XKR4: variants seen among roughly 807,000 people sequenced by gnomAD.
The protein encoded by XKR4 is XK related 4.
XKR4 carries 12 observed loss-of-function variants against 53.9 expected under a neutral mutation model. The observed-to-expected ratio is 0.22, with a 90% confidence interval of 0.14 to 0.36. The LOEUF (loss-of-function observed/expected upper bound fraction) is 0.36, where lower values mean the gene tolerates loss of function less well. Ranked by LOEUF, XKR4 falls within the 10% of genes least tolerant of loss-of-function variation. The pLI is 1.00. For missense variants in XKR4, 799 were observed against 859.5 expected (o/e 0.93, Z 0.88); for synonymous variants, 354 against 362.4 (o/e 0.98, Z 0.26).
rs575575077 is a variant in XKR4 at position 55,531,368 on chromosome 8, T to C, written c.*7141T>C. ...ATAGAAAAGTTAACAGTAAAAAATA[T>C]AGTATTATTGTCTTATGGGATCGCT... is the stretch of plus-strand genomic sequence containing the variant. On this transcript the variant is annotated 3_prime_UTR_variant, in exon 3 of 3. Coordinates refer to ENST00000327381, the MANE Select transcript of XKR4 (RefSeq NM_052898.2). 6.6e-6 allele frequency: 1 copy of C among 152,172 alleles called. No homozygotes were observed. Among genetic ancestry groups the C allele is most frequent in the Non-Finnish European group, 1.5e-5 (1 of 68,032 alleles). The allele number at this position is 152,172 out of a possible 1,614,324, so 9.4% of individuals were successfully genotyped here. A position where few individuals can be genotyped will look rare whatever the true frequency, so the allele number is the denominator to read the frequency against.
chr8:55,438,101 G>A (rs1319871152), intron 2 of XKR4, among the ~76,000 whole-genome samples: 1 of 152,068 alleles, frequency 6.6e-6, no homozygotes, highest in Non-Finnish European at 1.5e-5. Flanking sequence ...AGAGAGGGTG[G>A]CTTGAGAATG....
intron 2 of XKR4, among the ~76,000 whole-genome samples, chr8:55,434,100 T>C (rs1805141007): frequency 6.6e-6 from 1 of 152,158 alleles, no homozygotes; most frequent in South Asian, 2.1e-4. Flanking sequence ...TGCTTCACTC[T>C]TTATTTTTAA....
intron 2 of XKR4, among the ~76,000 whole-genome samples, chr8:55,457,982 A>C (rs1805594848): frequency 6.6e-6 from 1 of 152,182 alleles, no homozygotes. Context: ...TGAGAAATTT[A>C]AAGATCTAAA....
intron 1 of XKR4, among the ~76,000 whole-genome samples, chr8:55,176,392 G>A (rs895229562): frequency 2.0e-5 from 3 of 152,198 alleles, no homozygotes; most frequent in Non-Finnish European, 4.4e-5. Context: ...ATGTTGAAAG[G>A]TAGAGTGCTC....
intron 2 of XKR4, among the ~76,000 whole-genome samples, chr8:55,516,826 T>G (rs1283744479): frequency 6.6e-6 from 1 of 152,240 alleles, no homozygotes; most frequent in Non-Finnish European, 1.5e-5. Flanking sequence ...TGCACTTGTA[T>G]GTTGATCGTG....
intron 2 of XKR4, chr8:55,451,610 G>A: frequency 1.4e-6 from 2 of 1,471,520 alleles, no homozygotes; most frequent in South Asian, 2.5e-5. Flanking sequence ...ACGGTGAAGC[G>A]GTTCTGGCGG....
At chr8:55,369,324 A>G (rs910731146) in intron 2 of XKR4, among the ~76,000 whole-genome samples, 3 of 139,828 alleles carry the variant, frequency 2.1e-5, no homozygotes, top group Non-Finnish European at 4.6e-5. Flanking sequence ...ACTCCAGCCT[A>G]GGGCACAAGC....
chr8:55,469,121 G>A (rs1185875739), intron 2 of XKR4, among the ~76,000 whole-genome samples: 1 of 152,040 alleles, frequency 6.6e-6, no homozygotes, highest in Non-Finnish European at 1.5e-5. Context: ...TGCAACATCT[G>A]TCTCCCTGCC....
chr8:55,398,349 G>A (rs915299485), intron 2 of XKR4, among the ~76,000 whole-genome samples: 2 of 152,092 alleles, frequency 1.3e-5, no homozygotes, highest in Non-Finnish European at 2.9e-5. Flanking sequence ...GGGAGTCATC[G>A]GAAGTTAAAG....
chr8:55,201,453 A>G lies in XKR4; in HGVS notation c.806+98159A>G, dbSNP rs1418987321. 5.9e-5 allele frequency among the ~76,000 whole-genome samples: 9 copies of G among 152,182 alleles called. No homozygotes were observed. The East Asian group carries it at 1.7e-3, about 29-fold the overall frequency. On this transcript the variant is annotated intron_variant, in intron 1 of 2. Transcript: ENST00000327381. ...TATCCCTGTCCTCTCTAGACTGGAG[A>G]GTAATTTAAAATTTGTCATTTTTCT...
intron 1 of XKR4, among the ~76,000 whole-genome samples, chr8:55,166,468 G>A (rs1817067704): frequency 2.0e-5 from 3 of 152,194 alleles, no homozygotes; most frequent in Admixed American, 2.0e-4. Flanking sequence ...TAGCACTGTG[G>A]ATACAGCAGC....
Position 55,216,473 on chromosome 8 carries a change from A to G in XKR4, c.806+113179A>G, listed in dbSNP as rs570312025. ...CCGGGCATGGTGGCTCACGCCTGTA[A>G]TCCCAGCACTTTGAGAGGCCAAGGC... On this transcript the variant is annotated intron_variant, in intron 1 of 2. Coordinates refer to ENST00000327381, the MANE Select transcript of XKR4 (RefSeq NM_052898.2). Among the ~76,000 whole-genome samples the G allele has an allele frequency of 2.6e-5, 4 of 152,334 alleles. No individual in the cohort carries two copies. The South Asian group carries it at 8.3e-4, about 32-fold the overall frequency.
At chr8:55,268,763 T>C (rs1207730387) in intron 1 of XKR4, among the ~76,000 whole-genome samples, 9 of 152,190 alleles carry the variant, frequency 5.9e-5, no homozygotes, top group African/African-American at 1.9e-4. Flanking sequence ...GTAAGTGCCA[T>C]ATTTCTATTC....
intron 1 of XKR4, among the ~76,000 whole-genome samples, chr8:55,337,632 G>A (rs1428971952): frequency 2.0e-5 from 3 of 152,236 alleles, no homozygotes; most frequent in Non-Finnish European, 4.4e-5. Flanking sequence ...AAAGGGAAAC[G>A]ATGAAAGAAT....
intron 1 of XKR4, among the ~76,000 whole-genome samples, chr8:55,146,073 T>C (rs1816770052): frequency 6.6e-6 from 1 of 152,214 alleles, no homozygotes; most frequent in Non-Finnish European, 1.5e-5. Flanking sequence ...GTAACCTGAG[T>C]CATCATAGAA....
chr8:55,256,240 G>A (rs946332592), intron 1 of XKR4, among the ~76,000 whole-genome samples: 3 of 152,112 alleles, frequency 2.0e-5, no homozygotes, highest in African/African-American at 4.8e-5. Context: ...CTGAGGACTT[G>A]GGTCTTATGG....
chr8:55,401,620 G>A (rs1255135253), intron 2 of XKR4, among the ~76,000 whole-genome samples: 2 of 152,234 alleles, frequency 1.3e-5, no homozygotes, highest in African/African-American at 2.4e-5. Context: ...GCAAAGGCAG[G>A]CTGCTTGCCA....
intron 1 of XKR4, among the ~76,000 whole-genome samples, chr8:55,331,550 A>G (rs1803384464): frequency 6.6e-6 from 1 of 152,116 alleles, no homozygotes; most frequent in Non-Finnish European, 1.5e-5. Flanking sequence ...CAGGTATTGA[A>G]GTCTCCAACT....
chr8:55,371,651 G>A (rs1804071376), intron 2 of XKR4, among the ~76,000 whole-genome samples: 1 of 152,164 alleles, frequency 6.6e-6, no homozygotes, highest in African/African-American at 2.4e-5. Flanking sequence ...TTGGCCATAT[G>A]GCTCCACTTT....
Sources: gnomAD v4.1 joint callset for allele counts (sites outside exome capture counted in the v4.1 genomes callset) on GRCh38, gnomAD v4.1.1 for gene constraint, MANE v1.5 for transcripts, NCBI Gene and HGNC (gene_info 2026-07-23, HGNC 2026-07-21) for gene names.